The following CLCN1 variants were observed in gnomAD, a reference collection of about 807,000 sequenced individuals.
CLCN1 encodes the protein chloride channel protein 1.
A neutral mutation model predicts 114.5 loss-of-function variants in CLCN1; 100 were observed. The observed-to-expected ratio is 0.87, with a 90% CI of 0.74 to 1.03. The LOEUF (loss-of-function observed/expected upper bound fraction) is 1.03. Ranked by LOEUF, CLCN1 falls within the 50% of genes least tolerant of loss-of-function variation. The pLI is 0.00. For synonymous variants in CLCN1, 485 were observed against 487.1 expected (o/e 1.00, Z 0.06); for missense variants, 1,188 against 1,250.0 (o/e 0.95, Z 0.75).
At position 143,344,741 on chromosome 7, in the gene CLCN1, T is replaced by C. The variant is rs1399152531; in HGVS notation, c.1931-780T>C. Among the ~76,000 whole-genome samples the C allele has an allele frequency of 6.3e-5, 9 of 143,574 alleles. No homozygotes were observed. The South Asian group carries it at 1.1e-3, about 18-fold the overall frequency. 94.2% of individuals were successfully genotyped at this position (143,574 alleles called of 152,430 possible). ...CAGGAAAAGTAGGCATTTTGATTTA[T>C]CCTAGCAGGGTTTTTTTTTTTTTTT... On this transcript the variant is annotated intron_variant, in intron 16 of 22. Transcript: ENST00000343257.
In CLCN1 at chr7:143,339,659, A is replaced by T. The variant is rs1803026728; in HGVS notation, c.1582+38A>T. The T allele has an allele frequency of 8.1e-7, 1 of 1,228,888 alleles. No individual in the cohort carries two copies. Among genetic ancestry groups the T allele is most frequent in the African/African-American group, 1.5e-5 (1 of 67,448 alleles). 76.1% of individuals were successfully genotyped at this position (1,228,888 alleles called of 1,614,324 possible). ...CCCACTTCCCTGTAATCAAACATTG[A>T]GTACTTCAGATCCCCACACTTAAAC... On this transcript the variant is annotated intron_variant, in intron 14 of 22. Coordinates refer to ENST00000343257, the MANE Select transcript of CLCN1 (RefSeq NM_000083.3). The surrounding 1 kb of genome is among the most constrained non-coding windows in gnomAD (Gnocchi z 4.1).
intron 7 of CLCN1, among the ~76,000 whole-genome samples, chr7:143,327,658 T>C (rs1802610228): frequency 6.6e-6 from 1 of 152,170 alleles, no homozygotes; most frequent in Non-Finnish European, 1.5e-5. Context: ...TGATTAATTT[T>C]ATTTTTTTCT....
chr7:143,334,831 A>C (rs1802828959), intron 12 of CLCN1, among the ~76,000 whole-genome samples: 1 of 152,188 alleles, frequency 6.6e-6, no homozygotes, highest in African/African-American at 2.4e-5. Flanking sequence ...TTTCTTCAAA[A>C]GATTTTACAT....
At chr7:143,320,014 G>C in intron 2 of CLCN1, 139 bp downstream of exon 2, 1 of 885,024 alleles carries the variant, frequency 1.1e-6, no homozygotes, top group Non-Finnish European at 1.8e-6. Flanking sequence ...TAAGAGACAG[G>C]GTCTCACTCT....
At position 143,351,756 on chromosome 7, in the gene CLCN1, G is replaced by A. The variant is rs750600965; in HGVS notation, c.2758G>A (p.Gly920Arg). 9.3e-6 allele frequency: 15 copies of A among 1,614,110 alleles called. No individual in the cohort carries two copies. Among genetic ancestry groups the A allele is most frequent in the Non-Finnish European group, 1.3e-5 (15 of 1,180,060 alleles). Reference sequence around the variant, plus strand: ...GGACAGGCCTGGGGCCACTGGAACAGGGGATGTGATTGCTGCCTCCCCAGA... The same window carrying A: ...GGACAGGCCTGGGGCCACTGGAACAAGGGATGTGATTGCTGCCTCCCCAGA... ...PEDRPGATGT[G>R]DVIAASPETP... The change falls in exon 23 of 23, where the codon GGG becomes AGG. Residue 920 changes from glycine (G) to arginine (R), a missense_variant. By Grantham distance (125) the Gly-to-Arg change is moderately radical. Transcript: ENST00000343257.
chr7:143,325,238 A>T (rs1331358072), intron 7 of CLCN1, among the ~76,000 whole-genome samples: 1 of 152,240 alleles, frequency 6.6e-6, no homozygotes. Context: ...TAAAAAGGAC[A>T]CCAAGTTGAT....
chr7:143,321,598 C>G lies in CLCN1; in HGVS notation c.562+105C>G. ...ACCCACAGCCCTGTGCTGCCTTGCC[C>G]CATCCTCCCCACCACTGCCTCTTCA... On this transcript the variant is annotated intron_variant, in intron 4 of 22. Coordinates refer to ENST00000343257, the MANE Select transcript of CLCN1 (RefSeq NM_000083.3). The surrounding 1 kb of genome is among the most constrained non-coding windows in gnomAD (Gnocchi z 4.2). The G allele has an allele frequency of 2.5e-6, 4 of 1,604,278 alleles. No homozygotes were observed. Among genetic ancestry groups the G allele is most frequent in the Non-Finnish European group, 3.4e-6 (4 of 1,172,024 alleles).
Position 143,319,873 on chromosome 7 carries a change from A to G in CLCN1, c.299A>G (p.Gln100Arg), listed in dbSNP as rs1586483209. 1 of 1,613,560 alleles carries G rather than the reference A, an allele frequency of 6.2e-7. No homozygotes were observed. Among genetic ancestry groups the G allele is most frequent in the Admixed American group, 1.7e-5 (1 of 59,990 alleles). Residue 100 changes from glutamine to arginine, a missense_variant and splice_region_variant, in exon 2 of 23, where the codon CAA becomes CGA. Transcript: ENST00000343257. ...SKDEDHYSKCQDCIHRLGQVV... is the reference protein window; with the variant it reads ...SKDEDHYSKCRDCIHRLGQVV... ...GATGAGGATCACTATTCTAAATGTC[A>G]AGGTGATGGGGACTGAGGAATAAAG...
At chr7:143,337,285 T>C (rs1342985532) in intron 12 of CLCN1, among the ~76,000 whole-genome samples, 7 of 152,236 alleles carry the variant, frequency 4.6e-5, no homozygotes, top group African/African-American at 1.7e-4. Flanking sequence ...ACTGTGCCAG[T>C]GCAGAGAGAA....
At chr7:143,346,093 C>T (rs772954528) in intron 17 of CLCN1, 47 bp from the exon 18 acceptor site, 22 of 1,240,294 alleles carry the variant, frequency 1.8e-5, no homozygotes, top group Non-Finnish European at 2.3e-5. Flanking sequence ...AGTGAAGGCC[C>T]AGGCAGTCTC....
At chr7:143,347,121 TG>T in intron 20 of CLCN1, among the ~76,000 whole-genome samples, 172 bp downstream of exon 20, 1 of 152,246 alleles carries the variant, frequency 6.6e-6, no homozygotes, top group Middle Eastern at 3.4e-3. Flanking sequence ...GAGTGTGTGA[TG>T]GGACATGGAG....
At chr7:143,351,109 G>A (rs933887092) in intron 22 of CLCN1, among the ~76,000 whole-genome samples, 4 of 152,166 alleles carry the variant, frequency 2.6e-5, no homozygotes, top group Non-Finnish European at 5.9e-5. Context: ...GAGATTGGAG[G>A]GGGTAGAGCA....
intron 12 of CLCN1, among the ~76,000 whole-genome samples, chr7:143,338,999 T>A (rs1563083029): frequency 1.3e-5 from 2 of 152,130 alleles, no homozygotes; most frequent in African/African-American, 4.8e-5. Context: ...GAAAGGCAAA[T>A]ACAGGCACTC....
chr7:143,320,589 C>T (rs554045394), intron 2 of CLCN1, 75 bp from the exon 3 acceptor site: 2 of 1,241,236 alleles, frequency 1.6e-6, no homozygotes, highest in African/African-American at 1.5e-5. Flanking sequence ...CTCTCTCTGT[C>T]TCTACATATA....
chr7:143,322,152 T>A (rs888151004), intron 5 of CLCN1, among the ~76,000 whole-genome samples: 1 of 152,256 alleles, frequency 6.6e-6, no homozygotes, highest in African/African-American at 2.4e-5. Flanking sequence ...GCAGCATTGC[T>A]GGCCTCTGAC....
chr7:143,346,757 A>G (rs1478468516), intron 19 of CLCN1, 99 bp downstream of exon 19: 10 of 1,233,318 alleles, frequency 8.1e-6, no homozygotes, highest in Non-Finnish European at 7.2e-6. Context: ...AGACCCCACC[A>G]AGGAGGAGGA....
In CLCN1 at chr7:143,351,796, C is replaced by T; in HGVS notation, c.2798C>T (p.Ser933Phe). The part of the protein sequence containing the change: ...IAASPETPVP[S>F]PSPEPPLSLA... Reference sequence around the variant, plus strand: ...GCCTCCCCAGAGACCCCTGTGCCATCTCCTTCCCCAGAGCCCCCTCTCTCC... The same window carrying T: ...GCCTCCCCAGAGACCCCTGTGCCATTTCCTTCCCCAGAGCCCCCTCTCTCC... The change falls in exon 23 of 23, where the codon TCT (serine) becomes TTT (phenylalanine). Residue 933 changes from serine (S) to phenylalanine (F), a missense_variant. By Grantham distance (155) the Ser-to-Phe change is radical (BLOSUM62 -2). Transcript: ENST00000343257. 6.2e-7 allele frequency: 1 copy of T among 1,614,184 alleles called. No individual in the cohort carries two copies. Among genetic ancestry groups the T allele is most frequent in the Non-Finnish European group, 8.5e-7 (1 of 1,180,018 alleles).
rs561272148 is a variant in CLCN1, at chr7:143,328,036, G to A, written c.854-2736G>A. On this transcript the variant is annotated intron_variant, in intron 7 of 22. Transcript: ENST00000343257. ...GATTTCCTACAAGGGCAATTGGGTC[G>A]ATAGTGGTGTTAGTAACCAAGACTG... Among the ~76,000 whole-genome samples, 7 of 152,316 alleles carry A rather than the reference G, an allele frequency of 4.6e-5. No homozygotes were observed. The East Asian group carries it at 9.6e-4, about 21-fold the overall frequency.
At chr7:143,317,069 G>T (rs1294425472) in intron 1 of CLCN1, among the ~76,000 whole-genome samples, 1 of 152,100 alleles carries the variant, frequency 6.6e-6, no homozygotes, top group Non-Finnish European at 1.5e-5. Context: ...CTGTGGGATT[G>T]GTGGGATATG....
Sources: gnomAD v4.1 joint callset for allele counts (sites outside exome capture counted in the v4.1 genomes callset) on GRCh38, gnomAD v4.1.1 for gene constraint, Gnocchi (gnomAD v3.1) non-coding constraint, MANE v1.5 for transcripts, NCBI Gene and HGNC (gene_info 2026-07-23, HGNC 2026-07-21) for gene names.